The following ATP2C2 variants were observed in gnomAD, a reference collection of about 807,000 sequenced individuals.
ATP2C2 encodes the protein ATPase secretory pathway Ca2+ transporting 2.
A neutral mutation model predicts 110.8 loss-of-function variants in ATP2C2; 171 were observed. That is an observed-to-expected ratio of 1.54 (90% CI 1.36 to 1.75). ATP2C2 has a LOEUF of 1.75. Among genes scored for constraint, ATP2C2 ranks in the 40% most tolerant of loss-of-function variants. ATP2C2 has a pLI of 0.00. For missense variants in ATP2C2, 1,963 were observed against 1,235.0 expected (o/e 1.59, Z -8.84); for synonymous variants, 804 against 508.4 (o/e 1.58, Z -7.82).
intron 11 of ATP2C2, among the ~76,000 whole-genome samples, chr16:84,431,107 A>T (rs1908240281): frequency 2.0e-5 from 3 of 152,112 alleles, no homozygotes. Flanking sequence ...CTGGCTGGGG[A>T]AAAAAGTGAA....
At position 84,462,107 on chromosome 16, in the gene ATP2C2, G is replaced by C; in HGVS notation, c.2700G>C (p.Gln900His). 1 of 1,613,844 alleles carries C rather than the reference G, an allele frequency of 6.2e-7. No individual in the cohort carries two copies. The change falls in exon 26 of 27, where the codon CAG becomes CAC. Residue 900 changes from glutamine to histidine, a missense_variant. Physicochemically the swap from Gln to His is conservative, Grantham distance 24. Transcript: ENST00000262429. Reference sequence around the variant, plus strand: ...TCCCCCCGCTGCAGAGGGTCTTCCAGACGGAGAACCTGGGAGCGCTTGGTG... The same window carrying C: ...TCCCCCCGCTGCAGAGGGTCTTCCACACGGAGAACCTGGGAGCGCTTGGTG... ...IYIPPLQRVF[Q>H]TENLGALDLL...
At chr16:84,386,840 C>G (rs1213612335) in intron 1 of ATP2C2, among the ~76,000 whole-genome samples, 3 of 152,142 alleles carry the variant, frequency 2.0e-5, no homozygotes, top group Non-Finnish European at 4.4e-5. Context: ...GTGGGGGTAG[C>G]TAGACCAGGC....
chr16:84,459,328 C>A lies in ATP2C2; in HGVS notation c.2275C>A (p.Leu759Ile). Residue 759 changes from leucine to isoleucine, a missense_variant, in exon 23 of 27, where the codon CTC (leucine) becomes ATC (isoleucine). Leu to Ile is a conservative substitution (Grantham distance 5, BLOSUM62 2). Coordinates refer to ENST00000262429, the MANE Select transcript of ATP2C2 (RefSeq NM_014861.4). ...LSTVFNLPSP[L>I]NAMQILWINI... The stretch of plus-strand genomic sequence containing the variant: ...CACCGTGTTCAACCTGCCCAGCCCC[C>A]TCAACGCCATGCAGATCCTATGGAT... 6.2e-7 allele frequency: 1 copy of A among 1,614,218 alleles called. No individual in the cohort carries two copies. Among genetic ancestry groups the A allele is most frequent in the Non-Finnish European group, 8.5e-7 (1 of 1,180,038 alleles).
chr16:84,419,653 G>T lies in ATP2C2; in HGVS notation c.625-2737G>T, dbSNP rs1907152455. ...TCTCCTCCCTCCTCCCTTCCCTTGG[G>T]GCCCCCGACCCCACTCCCCATCCAC... is the stretch of plus-strand genomic sequence containing the variant. On this transcript the variant is annotated intron_variant, in intron 7 of 26. Transcript: ENST00000262429. 2.1e-5 allele frequency among the ~76,000 whole-genome samples: 3 copies of T among 146,250 alleles called. No homozygotes were observed. The South Asian group carries it at 6.6e-4, about 32-fold the overall frequency.
In ATP2C2 at chr16:84,446,435, G is replaced by T; in HGVS notation, c.1503+5G>T. ...AAATGCAGTCTGAAGACTGAGGTGA[G>T]ACCTTTCAATCTTCAACCTCTTCTC... is the stretch of plus-strand genomic sequence containing the variant. On this transcript the variant is annotated splice_donor_5th_base_variant and intron_variant, in intron 16 of 26. Transcript: ENST00000262429. 1.3e-6 allele frequency: 2 copies of T among 1,576,428 alleles called. No homozygotes were observed. The highest frequency in any genetic ancestry group is 1.7e-6 in the Non-Finnish European group (2 of 1,161,338).
At chr16:84,404,637 G>T (rs2150518596) in intron 2 of ATP2C2, 3 of 267,118 alleles carry the variant, frequency 1.1e-5, no homozygotes, top group African/African-American at 4.5e-5. Context: ...TTTTGCTTTT[G>T]TGAACAGTGC....
At chr16:84,408,068 C>G (rs376495420) in intron 3 of ATP2C2, among the ~76,000 whole-genome samples, 23 of 152,180 alleles carry the variant, frequency 1.5e-4, no homozygotes, top group African/African-American at 5.3e-4. Flanking sequence ...AGAGAGGATC[C>G]TTGGCCGTCC....
At chr16:84,399,135 C>G (rs1422996762) in intron 2 of ATP2C2, among the ~76,000 whole-genome samples, 26 of 152,122 alleles carry the variant, frequency 1.7e-4, no homozygotes, top group Non-Finnish European at 1.5e-5. Context: ...GCATTGCACA[C>G]AAGTGTGTGT....
At chr16:84,454,754 G>A in intron 20 of ATP2C2, 64 bp from the exon 21 acceptor site, 1 of 1,485,472 alleles carries the variant, frequency 6.7e-7, no homozygotes, top group Non-Finnish European at 9.0e-7. Context: ...CACAGGGTGT[G>A]CATGGCCGGG....
At chr16:84,414,442 G>A (rs889390580) in intron 6 of ATP2C2, among the ~76,000 whole-genome samples, 9 of 152,140 alleles carry the variant, frequency 5.9e-5, no homozygotes, top group Non-Finnish European at 1.0e-4. Context: ...AGCCAAACAC[G>A]CAAAGGCCCT....
At chr16:84,402,860 G>C (rs1226952021) in intron 2 of ATP2C2, among the ~76,000 whole-genome samples, 3 of 152,124 alleles carry the variant, frequency 2.0e-5, no homozygotes, top group South Asian at 2.1e-4. Context: ...AGTAGGATTG[G>C]TATCGCTTCT....
intron 10 of ATP2C2, among the ~76,000 whole-genome samples, chr16:84,424,417 A>G (rs929889212): frequency 1.3e-4 from 20 of 152,086 alleles, no homozygotes; most frequent in African/African-American, 4.8e-4. Flanking sequence ...CTCTGGGATT[A>G]CAGGCATGCA....
At position 84,451,932 on chromosome 16, in the gene ATP2C2, G is replaced by C. The variant is rs1002212198; in HGVS notation, c.1672G>C (p.Ala558Pro). 5 of 1,613,998 alleles carry C rather than the reference G, an allele frequency of 3.1e-6. No individual in the cohort carries two copies. The highest frequency in any genetic ancestry group is 4.2e-6 in the Non-Finnish European group (5 of 1,179,992). Residue 558 changes from alanine (A) to proline (P), a missense_variant, in exon 18 of 27, where the codon GCT becomes CCT. Coordinates refer to ENST00000262429, the MANE Select transcript of ATP2C2 (RefSeq NM_014861.4). ...GSLGLRVLAL[A>P]SGPELGRLTF... The stretch of plus-strand genomic sequence containing the variant: ...CCCTCTCTCCTCAGTGCTGGCCCTG[G>C]CTTCTGGGCCCGAGCTGGGGCGGCT...
chr16:84,425,831 G>C (rs750758645), intron 11 of ATP2C2, 30 bp downstream of exon 11: 1 of 1,610,592 alleles, frequency 6.2e-7, no homozygotes, highest in Non-Finnish European at 8.5e-7. Flanking sequence ...CCCTTGCCTT[G>C]CCAGGGTGGT....
intron 1 of ATP2C2, among the ~76,000 whole-genome samples, chr16:84,387,000 ACT>A (rs1202040021): frequency 1.3e-5 from 2 of 151,778 alleles, no homozygotes; most frequent in Non-Finnish European, 2.9e-5. Flanking sequence ...ATTTTCCCAC[ACT>A]GTCTTAAGCT....
intron 1 of ATP2C2, among the ~76,000 whole-genome samples, chr16:84,394,009 AAT>A (rs1352472881): frequency 2.2e-5 from 3 of 137,794 alleles, no homozygotes; most frequent in Non-Finnish European, 3.1e-5. Context: ...TACCAAAAAA[AAT>A]AAAAAAATAA....
intron 15 of ATP2C2, 52 bp from the exon 16 acceptor site, chr16:84,446,277 T>C (rs1909738662): frequency 1.5e-5 from 17 of 1,104,644 alleles, no homozygotes; most frequent in Non-Finnish European, 2.1e-5. Flanking sequence ...GAGCTTTGTA[T>C]AGAGATTGGC....
rs573647141 is a variant in ATP2C2, at chr16:84,368,592, A to G, written c.-24A>G. 38 of 1,528,678 alleles carry G rather than the reference A, an allele frequency of 2.5e-5. 1 individual carries two copies. In the South Asian group the frequency reaches 3.8e-4, roughly 15 times the overall value. 94.7% of individuals were successfully genotyped at this position (1,528,678 alleles called of 1,614,324 possible). A position where few individuals can be genotyped will look rare whatever the true frequency, so the allele number is the denominator to read the frequency against. On this transcript the variant is annotated 5_prime_UTR_variant, in exon 1 of 27. Coordinates refer to ENST00000262429, the MANE Select transcript of ATP2C2 (RefSeq NM_014861.4). ...GGCCTCGCCGGGGACCTAGGGACGCAGGCAACGCCTGCGCCCGCTCACCAT... is the reference window on the plus strand; with the variant it reads ...GGCCTCGCCGGGGACCTAGGGACGCGGGCAACGCCTGCGCCCGCTCACCAT...
chr16:84,437,873 C>T (rs1262751654), intron 11 of ATP2C2, among the ~76,000 whole-genome samples: 1 of 152,230 alleles, frequency 6.6e-6, no homozygotes, highest in African/African-American at 2.4e-5. Context: ...TATCACTCTA[C>T]ATTCCCACCT....
Sources: allele counts gnomAD v4.1 joint callset (sites outside exome capture counted in the v4.1 genomes callset), GRCh38; gene constraint gnomAD v4.1.1; transcripts MANE v1.5; gene names NCBI Gene and HGNC (gene_info 2026-07-23, HGNC 2026-07-21).